The following PXDNL variants were observed in gnomAD, a reference collection of about 807,000 sequenced individuals.
PXDNL encodes probable oxidoreductase PXDNL.
PXDNL carries 145 observed loss-of-function variants against 150.8 expected under a neutral mutation model. The ratio of observed to expected loss-of-function variants is 0.96; its 90% CI spans 0.84 to 1.10. The LOEUF is 1.10. PXDNL is among the 50% of genes least tolerant of loss of function. PXDNL has a pLI of 0.00. For missense variants in PXDNL, 2,087 were observed against 1,873.9 expected, an observed-to-expected ratio of 1.11 and a Z score of -2.10; for synonymous variants, 757 against 725.7, an observed-to-expected ratio of 1.04 and a Z score of -0.69.
chr8:51,445,272 TTCTATAGTCTGAAG>T (rs1809649289), intron 12 of PXDNL, among the ~76,000 whole-genome samples: 1 of 152,158 alleles, frequency 6.6e-6, no homozygotes, highest in Admixed American at 6.6e-5. Flanking sequence ...CTTTCAATAG[TTCTATAGTCTGAAG>T]TCTAGATCTG....
intron 9 of PXDNL, among the ~76,000 whole-genome samples, chr8:51,455,939 A>G (rs1809929199): frequency 6.6e-6 from 1 of 152,202 alleles, no homozygotes; most frequent in African/African-American, 2.4e-5. Context: ...GTGAGGAATT[A>G]TCATATTCAA....
In PXDNL at chr8:51,475,070, G is replaced by A. The variant is rs774308701; in HGVS notation, c.596C>T (p.Ala199Val). The A allele has an allele frequency of 2.5e-6, 4 of 1,613,842 alleles. No individual in the cohort carries two copies. In the Admixed American group the frequency reaches 6.7e-5, roughly 27 times the overall value. The change falls in exon 7 of 23, where the codon GCC becomes GTC. Residue 199 changes from alanine to valine, a missense_variant. Physicochemically the swap from Ala to Val is moderately conservative, Grantham distance 64. Transcript: ENST00000356297. ...MWLGELLQGF[A>V]QHGHTQAAAT... Reference sequence around the variant, plus strand: ...CGCAGCCTGGGTGTGGCCGTGTTGGGCAAAGCCTTGTAAAAGCTCCCCCAG... The same window carrying A: ...CGCAGCCTGGGTGTGGCCGTGTTGGACAAAGCCTTGTAAAAGCTCCCCCAG...
intron 3 of PXDNL, among the ~76,000 whole-genome samples, chr8:51,565,321 AATAG>A (rs367721031): frequency 0.12 from 15,571 of 134,474 alleles, 949 homozygotes; most frequent in Admixed American, 0.16. Context: ...TAAATAAATA[AATAG>A]ATAGATAGAT....
chr8:51,414,009 G>A (rs1808723093), intron 14 of PXDNL, among the ~76,000 whole-genome samples: 1 of 151,882 alleles, frequency 6.6e-6, no homozygotes, highest in Admixed American at 6.6e-5. Context: ...ATAACTTTTT[G>A]GCACTGCTAA....
chr8:51,762,231 C>A (rs2037173156), intron 1 of PXDNL, among the ~76,000 whole-genome samples: 1 of 152,128 alleles, frequency 6.6e-6, no homozygotes, highest in Non-Finnish European at 1.5e-5. Context: ...CAATCTGCCT[C>A]TGGCATAACA....
Position 51,628,399 on chromosome 8 carries a change from C to CTTTTTTTTTTTTTTTTTTTTTTTTTTTT in PXDNL, c.236+26289_236+26290insAAAAAAAAAAAAAAAAAAAAAAAAAAAA, listed in dbSNP as rs71550276. Among the ~76,000 whole-genome samples, 5 of 69,748 alleles carry CTTTTTTTTTTTTTTTTTTTTTTTTTTTT rather than the reference C, an allele frequency of 7.2e-5. 1 individual carries two copies. Among genetic ancestry groups the CTTTTTTTTTTTTTTTTTTTTTTTTTTTT allele is most frequent in the Admixed American group, 5.0e-4 (2 of 3,996 alleles). The allele number at this position is 69,748 out of a possible 152,430, so 45.8% of individuals were successfully genotyped here. ...ATCTCTCTCTGTTTTCTTTTCTTTT[C>CTTTTTTTTTTTTTTTTTTTTTTTTTTTT]TTTTTTTTTTTTTTTTTTTTTTTGG... On this transcript the variant is annotated intron_variant, in intron 2 of 22. Transcript: ENST00000356297.
chr8:51,652,626 T>C lies in PXDNL; in HGVS notation c.236+2063A>G, dbSNP rs375978483. 9.8e-5 allele frequency among the ~76,000 whole-genome samples: 15 copies of C among 152,298 alleles called. No individual in the cohort carries two copies. The East Asian group carries it at 2.7e-3, about 27-fold the overall frequency. On this transcript the variant is annotated intron_variant, in intron 2 of 22. Transcript: ENST00000356297. ...CTGTGGAACCCTGACTCTGCTCTTT[T>C]CTATCTGCCTCAATTTGGGTAAATT...
At chr8:51,765,680 T>C (rs1022834669) in intron 1 of PXDNL, among the ~76,000 whole-genome samples, 1 of 152,110 alleles carries the variant, frequency 6.6e-6, no homozygotes, top group Non-Finnish European at 1.5e-5. Context: ...TTAATTTGTA[T>C]CATATTTCAT....
intron 1 of PXDNL, among the ~76,000 whole-genome samples, chr8:51,656,165 C>T (rs1371547939): frequency 6.6e-6 from 1 of 152,062 alleles, no homozygotes; most frequent in Non-Finnish European, 1.5e-5. Flanking sequence ...TTTCTCAAAA[C>T]AAAACTCTTC....
chr8:51,406,482 G>A (rs570167096), intron 17 of PXDNL, among the ~76,000 whole-genome samples: 8 of 152,160 alleles, frequency 5.3e-5, no homozygotes, highest in Admixed American at 2.0e-4. Flanking sequence ...AGTTAAATAC[G>A]GAGTGAAGAT....
intron 12 of PXDNL, among the ~76,000 whole-genome samples, chr8:51,434,504 T>G (rs1563410758): frequency 6.6e-6 from 1 of 152,238 alleles, no homozygotes; most frequent in Non-Finnish European, 1.5e-5. Context: ...CAGAGATTCT[T>G]CTGCTGTATT....
Position 51,472,219 on chromosome 8 carries a change from G to A in PXDNL, c.780C>T (p.Asn260=), listed in dbSNP as rs1357036019. Reference sequence around the variant, plus strand: ...GTATCCAAATAATCTCAGGTTTGGGGTTTCCTTCCGCCCGGCAGGTGAAGT... The same window carrying A: ...GTATCCAAATAATCTCAGGTTTGGGATTTCCTTCCGCCCGGCAGGTGAAGT... ...TVYFTCRAEG[N]PKPEIIWIHN... is the part of the protein sequence containing the mutation. The change falls in exon 8 of 23, where the codon AAC becomes AAT. Residue 260 remains asparagine, a synonymous_variant. Coordinates refer to ENST00000356297, the MANE Select transcript of PXDNL (RefSeq NM_144651.5). 8 of 1,613,338 alleles carry A rather than the reference G, an allele frequency of 5.0e-6. No individual in the cohort carries two copies. Among genetic ancestry groups the A allele is most frequent in the Non-Finnish European group, 6.8e-6 (8 of 1,179,426 alleles).
chr8:51,361,082 G>A (rs2130751770), intron 19 of PXDNL, among the ~76,000 whole-genome samples: 1 of 152,340 alleles, frequency 6.6e-6, no homozygotes, highest in South Asian at 2.1e-4. Flanking sequence ...TGTGGCCACT[G>A]CTTTCTCACA....
intron 3 of PXDNL, among the ~76,000 whole-genome samples, chr8:51,591,649 C>T (rs1471443105): frequency 2.0e-5 from 3 of 151,374 alleles, no homozygotes; most frequent in African/African-American, 7.3e-5. Context: ...GACAGAGTCT[C>T]ACTTTGTTGG....
intron 4 of PXDNL, among the ~76,000 whole-genome samples, chr8:51,505,762 A>G (rs1238064310): frequency 6.6e-6 from 1 of 152,196 alleles, no homozygotes; most frequent in African/African-American, 2.4e-5. Context: ...CATGAAACAG[A>G]GCTCAGAGGA....
chr8:51,658,196 G>A (rs1815191825), intron 1 of PXDNL, among the ~76,000 whole-genome samples: 1 of 151,828 alleles, frequency 6.6e-6, no homozygotes, highest in Non-Finnish European at 1.5e-5. Flanking sequence ...ACAAAAATTA[G>A]CCAGGCATGG....
chr8:51,796,589 T>C (rs955484641), intron 1 of PXDNL, among the ~76,000 whole-genome samples: 4 of 152,090 alleles, frequency 2.6e-5, no homozygotes, highest in African/African-American at 7.2e-5. Context: ...ATGGTTAAAT[T>C]CCTAGACACA....
At chr8:51,787,181 T>C (rs2037468137) in intron 1 of PXDNL, among the ~76,000 whole-genome samples, 3 of 152,046 alleles carry the variant, frequency 2.0e-5, no homozygotes, top group African/African-American at 7.2e-5. Flanking sequence ...CTGATGGAGA[T>C]GTACAAGGAG....
At chr8:51,663,045 C>A (rs1815308138) in intron 1 of PXDNL, among the ~76,000 whole-genome samples, 1 of 152,202 alleles carries the variant, frequency 6.6e-6, no homozygotes, top group Non-Finnish European at 1.5e-5. Context: ...GGAAGGCACT[C>A]ACATACTCAT....
Sources: gnomAD v4.1 joint callset for allele counts (sites outside exome capture counted in the v4.1 genomes callset) on GRCh38, gnomAD v4.1.1 for gene constraint, MANE v1.5 for transcripts, NCBI Gene and HGNC (gene_info 2026-07-23, HGNC 2026-07-21) for gene names.